Variants in AVEN observed in about 807,000 individuals in gnomAD.
AVEN encodes the protein cell death regulator Aven.
AVEN carries 41 observed loss-of-function variants against 38.1 expected under a neutral mutation model. That is an observed-to-expected ratio of 1.08 (90% CI 0.84 to 1.40). AVEN has a LOEUF of 1.40. AVEN is among the 40% of genes most tolerant of loss of function. AVEN has a pLI of 0.00. For synonymous variants in AVEN, 206 were observed against 171.8 expected, an observed-to-expected ratio of 1.20 and a Z score of -1.56; for missense variants, 605 against 438.8, an observed-to-expected ratio of 1.38 and a Z score of -3.38.
Position 34,020,107 on chromosome 15 carries a change from C to T in AVEN, c.268-16898G>A, listed in dbSNP as rs368343260. ...TGGGTGGATCACAAGGTCAGGAGATCGAGACCATCTTGGCTAACATGGTGA... is the reference window on the plus strand; with the variant it reads ...TGGGTGGATCACAAGGTCAGGAGATTGAGACCATCTTGGCTAACATGGTGA... On this transcript the variant is annotated intron_variant, in intron 1 of 5. Transcript: ENST00000306730. Among the ~76,000 whole-genome samples, 14 of 152,104 alleles carry T rather than the reference C, an allele frequency of 9.2e-5. No homozygotes were observed. The East Asian group carries it at 1.9e-3, about 21-fold the overall frequency.
chr15:33,898,424 G>C (rs1195740299), intron 2 of AVEN, among the ~76,000 whole-genome samples: 1 of 152,184 alleles, frequency 6.6e-6, no homozygotes, highest in Non-Finnish European at 1.5e-5. Context: ...AAATCAACAT[G>C]CTGGCAAGGC....
intron 2 of AVEN, among the ~76,000 whole-genome samples, chr15:33,897,425 ATG>A (rs1892278210): frequency 2.6e-5 from 4 of 151,926 alleles, no homozygotes; most frequent in African/African-American, 4.8e-5. Flanking sequence ...AGCCTCCACC[ATG>A]CCTGGCTAAT....
intron 1 of AVEN, among the ~76,000 whole-genome samples, chr15:34,071,200 A>G (rs1179868770): frequency 6.6e-6 from 1 of 152,116 alleles, no homozygotes; most frequent in African/African-American, 2.4e-5. Flanking sequence ...CTAGTAAAGG[A>G]ATGGGCACCC....
chr15:33,966,707 G>C (rs1020835533), intron 2 of AVEN, among the ~76,000 whole-genome samples: 1 of 152,014 alleles, frequency 6.6e-6, no homozygotes, highest in Non-Finnish European at 1.5e-5. Flanking sequence ...AATGAATTTC[G>C]ACAGGTGAGG....
At chr15:34,036,242 G>C (rs1899119156) in intron 1 of AVEN, among the ~76,000 whole-genome samples, 1 of 152,088 alleles carries the variant, frequency 6.6e-6, no homozygotes. Context: ...AAGAGCAAGA[G>C]ACTAAGAGAT....
chr15:34,028,782 TG>T (rs1464451011), intron 1 of AVEN, among the ~76,000 whole-genome samples: 1 of 151,868 alleles, frequency 6.6e-6, no homozygotes, highest in Non-Finnish European at 1.5e-5. Flanking sequence ...AACTAGCACA[TG>T]GGGGGTGAGA....
chr15:33,997,171 A>G (rs1198948282), intron 2 of AVEN, among the ~76,000 whole-genome samples: 5 of 152,236 alleles, frequency 3.3e-5, no homozygotes, highest in African/African-American at 1.2e-4. Context: ...AAAACAGCAT[A>G]AACAGTAGGA....
intron 2 of AVEN, among the ~76,000 whole-genome samples, chr15:33,974,353 T>G (rs1895777948): frequency 6.6e-6 from 1 of 152,212 alleles, no homozygotes; most frequent in Admixed American, 6.5e-5. Context: ...CCTCTTTCAC[T>G]CTCTGTGAGG....
chr15:34,010,356 G>T (rs919114914), intron 1 of AVEN, among the ~76,000 whole-genome samples: 1 of 152,094 alleles, frequency 6.6e-6, no homozygotes, highest in Non-Finnish European at 1.5e-5. Context: ...GTTGCCAAGA[G>T]AATACTTACA....
intron 2 of AVEN, among the ~76,000 whole-genome samples, chr15:33,951,561 TAA>T (rs77164036): frequency 9.0e-4 from 85 of 94,154 alleles, no homozygotes; most frequent in African/African-American, 2.3e-3. Flanking sequence ...TAAAGTATAA[TAA>T]AAAAAAAAAA....
chr15:33,858,009 T>C, downstream of AVEN: 1 of 1,508,688 alleles, frequency 6.6e-7, no homozygotes, highest in East Asian at 2.3e-5. Context: ...GGGGTGCTCT[T>C]GAGAACTGTA....
chr15:33,987,568 C>G (rs920541540), intron 2 of AVEN, among the ~76,000 whole-genome samples: 2 of 152,188 alleles, frequency 1.3e-5, no homozygotes, highest in East Asian at 1.9e-4. Context: ...CTCAGGCCAG[C>G]GAACAATGGT....
intron 2 of AVEN, among the ~76,000 whole-genome samples, chr15:33,986,647 A>G (rs200623438): frequency 0.15 from 22,192 of 151,938 alleles, 2,064 homozygotes; most frequent in Middle Eastern, 0.28. Context: ...ATAAGGCTCT[A>G]TATCAGGTTT....
intron 2 of AVEN, among the ~76,000 whole-genome samples, chr15:33,930,854 CTG>C (rs2153050686): frequency 6.6e-6 from 1 of 150,826 alleles, no homozygotes; most frequent in Admixed American, 6.6e-5. Context: ...ATTTGGGAGG[CTG>C]AGGCAGGAGA....
downstream of AVEN, chr15:33,861,260 GAA>G (rs1160831332): frequency 8.7e-6 from 9 of 1,035,042 alleles, no homozygotes; most frequent in African/African-American, 3.2e-5. Context: ...GTCTCTGCTG[GAA>G]AAAGAGTAAC....
downstream of AVEN, among the ~76,000 whole-genome samples, chr15:33,862,248 C>T (rs188063904): frequency 2.8e-4 from 43 of 152,278 alleles, no homozygotes; most frequent in African/African-American, 5.5e-4. Flanking sequence ...GTCTCAACCC[C>T]GTTGCCCAGG....
At chr15:33,957,780 G>A (rs1895012828) in intron 2 of AVEN, among the ~76,000 whole-genome samples, 1 of 151,856 alleles carries the variant, frequency 6.6e-6, no homozygotes. Flanking sequence ...GTGCAGTCCA[G>A]GAATAGGCAA....
intron 11 of AVEN, chr15:33,861,124 C>T: frequency 6.3e-7 from 1 of 1,597,980 alleles, no homozygotes; most frequent in Admixed American, 1.7e-5. Context: ...TTTGACACAA[C>T]CCCTCATGGT....
At chr15:33,852,851 C>T in the AVEN span, 971 of 528,794 alleles carry the variant, frequency 1.8e-3, 2 homozygotes, top group Non-Finnish European at 2.6e-3. Flanking sequence ...AAAGCCAATA[C>T]AAAGTAATGA....
Sources: allele counts gnomAD v4.1 joint callset (sites outside exome capture counted in the v4.1 genomes callset), GRCh38; gene constraint gnomAD v4.1.1; transcripts MANE v1.5; gene names NCBI Gene and HGNC (gene_info 2026-07-23, HGNC 2026-07-21).